The following VCL variants were observed in gnomAD, a reference collection of about 807,000 sequenced individuals.
VCL encodes the protein vinculin.
VCL carries 47 observed loss-of-function variants against 125.7 expected under a neutral mutation model. The ratio of observed to expected loss-of-function variants is 0.37; its 90% CI spans 0.30 to 0.48. The LOEUF is 0.48. Ranked by LOEUF, VCL falls within the 20% of genes least tolerant of loss-of-function variation. VCL has a pLI of 0.99. For missense variants in VCL, 1,069 were observed against 1,455.5 expected, an observed-to-expected ratio of 0.73 and a Z score of 4.32; for synonymous variants, 458 against 514.6, an observed-to-expected ratio of 0.89 and a Z score of 1.49.
In VCL at chr10:74,088,800, A is replaced by G. The variant is rs191949738; in HGVS notation, c.1023-396A>G. Among the ~76,000 whole-genome samples, 3 of 152,330 alleles carry G rather than the reference A, an allele frequency of 2.0e-5. No individual in the cohort carries two copies. The East Asian group carries it at 5.8e-4, about 29-fold the overall frequency. ...CATTTTCAATGTATACTTGCCCATAAGAAGACAATTTAATGGACTATTTAT... is the reference window on the plus strand; with the variant it reads ...CATTTTCAATGTATACTTGCCCATAGGAAGACAATTTAATGGACTATTTAT... On this transcript the variant is annotated intron_variant, in intron 8 of 21. Coordinates refer to ENST00000211998, the MANE Select transcript of VCL (RefSeq NM_014000.3).
intron 12 of VCL, among the ~76,000 whole-genome samples, chr10:74,096,630 A>G (rs901593543): frequency 6.6e-6 from 1 of 152,210 alleles, no homozygotes; most frequent in African/African-American, 2.4e-5. Context: ...GAGCTTGTTC[A>G]TGGCTTCTAA....
chr10:74,032,347 A>G (rs1029487442), intron 1 of VCL, among the ~76,000 whole-genome samples: 1 of 152,074 alleles, frequency 6.6e-6, no homozygotes, highest in African/African-American at 2.4e-5. Flanking sequence ...ACTATCAAGA[A>G]AGGGAAAGAC....
At chr10:74,015,273 C>T (rs1391178219) in intron 1 of VCL, among the ~76,000 whole-genome samples, 1 of 152,220 alleles carries the variant, frequency 6.6e-6, no homozygotes, top group Non-Finnish European at 1.5e-5. Context: ...CAATTTTTGG[C>T]CAGGCCCTGT....
chr10:74,099,256 C>T (rs1388023542), intron 13 of VCL, among the ~76,000 whole-genome samples: 1 of 152,192 alleles, frequency 6.6e-6, no homozygotes, highest in African/African-American at 2.4e-5. Flanking sequence ...CTGTTTCCTA[C>T]AAACCCCTCC....
At chr10:74,016,485 C>T (rs866197652) in intron 1 of VCL, among the ~76,000 whole-genome samples, 1 of 152,026 alleles carries the variant, frequency 6.6e-6, no homozygotes, top group South Asian at 2.1e-4. Context: ...GTGGTGTATG[C>T]CTGTAGTCCC....
chr10:74,011,654 G>A (rs983378656), intron 1 of VCL, among the ~76,000 whole-genome samples: 6 of 152,126 alleles, frequency 3.9e-5, no homozygotes, highest in Admixed American at 3.3e-4. Flanking sequence ...AAGGCATGAT[G>A]TTTCTCTTTT....
chr10:74,025,149 TG>T (rs1283765224), intron 1 of VCL, among the ~76,000 whole-genome samples: 1 of 152,102 alleles, frequency 6.6e-6, no homozygotes, highest in Non-Finnish European at 1.5e-5. Flanking sequence ...CCCAACTAGC[TG>T]GGATTACAGG....
intron 1 of VCL, among the ~76,000 whole-genome samples, chr10:74,038,357 C>T (rs1020594659): frequency 1.3e-5 from 2 of 152,006 alleles, no homozygotes; most frequent in Admixed American, 6.6e-5. Context: ...CTGTATTGGG[C>T]GGCACAGATT....
At chr10:74,115,012 T>C (rs1840290047) in intron 21 of VCL, 113 bp downstream of exon 21, 1 of 1,008,324 alleles carries the variant, frequency 9.9e-7, no homozygotes, top group Admixed American at 2.0e-5. Flanking sequence ...GTATTCAGTA[T>C]GTGGGATGCA....
chr10:73,999,259 A>G (rs1429914607), intron 1 of VCL, among the ~76,000 whole-genome samples: 1 of 152,106 alleles, frequency 6.6e-6, no homozygotes, highest in Non-Finnish European at 1.5e-5. Flanking sequence ...GGAATCTGGG[A>G]TCTGCCGCCC....
At chr10:74,061,412 C>A (rs1198702463) in intron 2 of VCL, among the ~76,000 whole-genome samples, 3 of 152,172 alleles carry the variant, frequency 2.0e-5, no homozygotes, top group African/African-American at 7.2e-5. Context: ...TTCCTGTAAA[C>A]CTTTTCAATT....
Position 73,998,213 on chromosome 10 carries a change from A to C in VCL, c.6A>C (p.Pro2=), listed in dbSNP as rs753870747. The C allele has an allele frequency of 3.1e-6, 5 of 1,612,556 alleles. No homozygotes were observed. Among genetic ancestry groups the C allele is most frequent in the Admixed American group, 3.3e-5 (2 of 59,942 alleles). ...CCGCCCCGCTCGCCGCCGCGATGCCAGTGTTTCATACGCGCACGATCGAGA... is the reference window on the plus strand; with the variant it reads ...CCGCCCCGCTCGCCGCCGCGATGCCCGTGTTTCATACGCGCACGATCGAGA... M[P]VFHTRTIESI... The change falls in exon 1 of 22, where the codon CCA becomes CCC. Residue 2 remains proline (P), a synonymous_variant. Coordinates refer to ENST00000211998, the MANE Select transcript of VCL (RefSeq NM_014000.3).
intron 8 of VCL, among the ~76,000 whole-genome samples, chr10:74,087,573 G>T (rs2131905605): frequency 6.8e-6 from 1 of 146,456 alleles, no homozygotes. Context: ...TGTTAGCCAG[G>T]ATGGTCTCGA....
At chr10:74,077,529 A>G (rs1190235167) in intron 6 of VCL, 1 of 183,484 alleles carries the variant, frequency 5.5e-6, no homozygotes. Context: ...AGCATTACGC[A>G]TCTTTCATTG....
chr10:74,046,965 C>T (rs902634021), intron 2 of VCL, among the ~76,000 whole-genome samples: 21 of 152,200 alleles, frequency 1.4e-4, no homozygotes, highest in African/African-American at 5.1e-4. Flanking sequence ...TAAAACTTTA[C>T]TGATCACCCT....
At chr10:74,007,290 T>C (rs2136224203) in intron 1 of VCL, among the ~76,000 whole-genome samples, 1 of 152,178 alleles carries the variant, frequency 6.6e-6, no homozygotes, top group South Asian at 2.1e-4. Flanking sequence ...GGATTGTAAC[T>C]TTAAGAGCCT....
chr10:74,080,018 C>T (rs118099210), intron 6 of VCL, among the ~76,000 whole-genome samples: 7 of 152,204 alleles, frequency 4.6e-5, no homozygotes, highest in Non-Finnish European at 1.0e-4. Flanking sequence ...TACTCACTTC[C>T]TGAGAATTAC....
intron 8 of VCL, among the ~76,000 whole-genome samples, chr10:74,085,173 G>T (rs980190953): frequency 6.6e-6 from 1 of 152,222 alleles, no homozygotes; most frequent in East Asian, 1.9e-4. Flanking sequence ...GATTAAAGGC[G>T]TGAGCCACCA....
intron 1 of VCL, among the ~76,000 whole-genome samples, chr10:74,032,683 A>G (rs1209719330): frequency 2.9e-5 from 4 of 136,936 alleles, no homozygotes; most frequent in Admixed American, 7.8e-5. Flanking sequence ...CTGGGTAACA[A>G]AGTAAGTCTC....
Sources: allele counts gnomAD v4.1 joint callset (sites outside exome capture counted in the v4.1 genomes callset), GRCh38; gene constraint gnomAD v4.1.1; transcripts MANE v1.5; gene names NCBI Gene and HGNC (gene_info 2026-07-23, HGNC 2026-07-21).